PTK2: variants seen among roughly 807,000 people sequenced by gnomAD.
PTK2 encodes protein tyrosine kinase 2, also known as focal adhesion kinase 1.
In PTK2, 45 loss-of-function variants were observed where a neutral mutation model predicts 150.1. The ratio of observed to expected loss-of-function variants is 0.30; its 90% CI spans 0.24 to 0.38. The LOEUF is 0.38. Among genes scored for constraint, PTK2 ranks in the 10% least tolerant of loss-of-function variants. The pLI is 1.00. For synonymous variants in PTK2, 432 were observed against 449.2 expected (o/e 0.96, Z 0.48); for missense variants, 919 against 1,307.3 (o/e 0.70, Z 4.58).
At chr8:140,878,796 G>A (rs951914442) in intron 4 of PTK2, among the ~76,000 whole-genome samples, 17 of 147,132 alleles carry the variant, frequency 1.2e-4, no homozygotes, top group African/African-American at 3.8e-4. Context: ...TCTCACAAAT[G>A]TATTTTAGAT....
chr8:140,682,694 A>C (rs1429547300), intron 27 of PTK2, among the ~76,000 whole-genome samples: 1 of 152,190 alleles, frequency 6.6e-6, no homozygotes, highest in African/African-American at 2.4e-5. Context: ...CACAATAAAA[A>C]CAGAATCAGT....
chr8:140,713,281 GAC>G (rs1388295761), intron 23 of PTK2, among the ~76,000 whole-genome samples: 2 of 152,098 alleles, frequency 1.3e-5, no homozygotes, highest in Non-Finnish European at 2.9e-5. Context: ...TGTTTTTTGA[GAC>G]AGAGTCTTGC....
At chr8:140,725,404 C>A (rs929316595) in intron 22 of PTK2, among the ~76,000 whole-genome samples, 6 of 152,304 alleles carry the variant, frequency 3.9e-5, no homozygotes, top group Middle Eastern at 6.8e-3. Context: ...TAAGAAACAA[C>A]TGTGACAGCA....
intron 7 of PTK2, among the ~76,000 whole-genome samples, chr8:140,841,383 T>C (rs1265758613): frequency 6.6e-6 from 1 of 152,144 alleles, no homozygotes; most frequent in Non-Finnish European, 1.5e-5. Flanking sequence ...GAAGCTCTTA[T>C]CACACAGACC....
At chr8:140,846,537 A>T in intron 6 of PTK2, 62 bp downstream of exon 6, 1 of 1,358,026 alleles carries the variant, frequency 7.4e-7, no homozygotes, top group Non-Finnish European at 1.0e-6. Flanking sequence ...ATACCTGGAA[A>T]ATATTCAAAA....
At chr8:140,805,785 T>C (rs1184704281) in intron 10 of PTK2, among the ~76,000 whole-genome samples, 2 of 152,194 alleles carry the variant, frequency 1.3e-5, no homozygotes, top group Admixed American at 1.3e-4. Flanking sequence ...CCATTTTTCC[T>C]AGTTTCCCTT....
intron 23 of PTK2, among the ~76,000 whole-genome samples, chr8:140,715,155 G>A (rs1297018539): frequency 5.4e-5 from 3 of 56,020 alleles, no homozygotes; most frequent in African/African-American, 1.9e-4. Flanking sequence ...CATTAAAACC[G>A]TTTTTTTTTT....
intron 10 of PTK2, among the ~76,000 whole-genome samples, chr8:140,811,411 A>G (rs1457473745): frequency 6.6e-6 from 1 of 152,234 alleles, no homozygotes; most frequent in Non-Finnish European, 1.5e-5. Context: ...ACAAGCAAAA[A>G]TACAAAGGTC....
At chr8:140,777,242 CATG>C (rs2100078986) in intron 14 of PTK2, among the ~76,000 whole-genome samples, 1 of 152,192 alleles carries the variant, frequency 6.6e-6, no homozygotes, top group Non-Finnish European at 1.5e-5. Context: ...TCATGGAAAG[CATG>C]GTGCTGACAT....
chr8:140,694,656 T>C (rs1296390708), intron 26 of PTK2, among the ~76,000 whole-genome samples: 2 of 152,114 alleles, frequency 1.3e-5, no homozygotes, highest in Admixed American at 1.3e-4. Context: ...CACAGACCAA[T>C]AGCTCTGGGC....
chr8:140,794,657 G>T (rs2100090568), intron 12 of PTK2, among the ~76,000 whole-genome samples: 1 of 152,080 alleles, frequency 6.6e-6, no homozygotes, highest in African/African-American at 2.4e-5. Context: ...ATATTCTCTT[G>T]GTTTTCTTCT....
At chr8:140,883,888 C>T (rs1353340393) in intron 3 of PTK2, among the ~76,000 whole-genome samples, 1 of 152,040 alleles carries the variant, frequency 6.6e-6, no homozygotes, top group Non-Finnish European at 1.5e-5. Flanking sequence ...TGAAATGGGT[C>T]TCACTGGCCT....
At chr8:140,844,039 T>C (rs2100123847) in intron 7 of PTK2, among the ~76,000 whole-genome samples, 1 of 152,110 alleles carries the variant, frequency 6.6e-6, no homozygotes, top group Admixed American at 6.6e-5. Flanking sequence ...TTTTGAGGAG[T>C]ACTGGTTAGG....
chr8:140,805,282 C>A (rs940554411), intron 10 of PTK2, among the ~76,000 whole-genome samples: 1 of 152,102 alleles, frequency 6.6e-6, no homozygotes, highest in Admixed American at 6.6e-5. Context: ...CATATTTGGC[C>A]GGGTGTGGTG....
At chr8:140,711,031 G>A (rs370449859) in intron 23 of PTK2, among the ~76,000 whole-genome samples, 3 of 152,332 alleles carry the variant, frequency 2.0e-5, no homozygotes, top group Non-Finnish European at 2.9e-5. Flanking sequence ...TCTGCCTCCC[G>A]AGTTTGAGTG....
At chr8:140,864,515 A>C (rs1236403712) in intron 4 of PTK2, 116 bp from the exon 5 acceptor site, 1 of 522,242 alleles carries the variant, frequency 1.9e-6, no homozygotes. Context: ...ATGATTTCAA[A>C]TAAAAGCTAT....
rs561891339 is a variant in PTK2, at chr8:140,951,191, A to T, written c.-121-25442T>A. Among the ~76,000 whole-genome samples, 3 of 152,234 alleles carry T rather than the reference A, an allele frequency of 2.0e-5. No homozygotes were observed. The South Asian group carries it at 6.2e-4, about 32-fold the overall frequency. ...ATATCCCAGCAACTCAATTCCTCCC[A>T]AACTTTCCTTTGCTTGCCTAGAGTT... On this transcript the variant is annotated intron_variant, in intron 1 of 31. Transcript: ENST00000522684.
At chr8:140,694,104 G>C (rs950545763) in intron 26 of PTK2, among the ~76,000 whole-genome samples, 51 of 149,662 alleles carry the variant, frequency 3.4e-4, no homozygotes, top group Non-Finnish European at 6.7e-4. Context: ...GCAGTGGCGC[G>C]ATCTCGGCTC....
At chr8:140,839,757 ATC>A (rs1282916374) in intron 7 of PTK2, among the ~76,000 whole-genome samples, 2 of 152,228 alleles carry the variant, frequency 1.3e-5, no homozygotes, top group African/African-American at 2.4e-5. Flanking sequence ...TCAGAAATAT[ATC>A]TGTTGATTAT....
Sources: gnomAD v4.1 joint callset for allele counts (sites outside exome capture counted in the v4.1 genomes callset) on GRCh38, gnomAD v4.1.1 for gene constraint, MANE v1.5 for transcripts, NCBI Gene and HGNC (gene_info 2026-07-23, HGNC 2026-07-21) for gene names.